Variants in LAYN observed in about 807,000 individuals in gnomAD.
LAYN encodes layilin.
In LAYN, 38 loss-of-function variants were observed where a neutral mutation model predicts 43.6. The ratio of observed to expected loss-of-function variants is 0.87; its 90% CI spans 0.67 to 1.14. The LOEUF is 1.14. Among genes scored for constraint, LAYN ranks in the 50% most tolerant of loss-of-function variants. The probability of loss-of-function intolerance (pLI) is 0.00; values close to 1 mark genes in which losing one functional copy is unlikely to be tolerated. For missense variants in LAYN, 479 were observed against 463.8 expected (o/e 1.03, Z -0.30); for synonymous variants, 168 against 172.9 (o/e 0.97, Z 0.22).
In LAYN at chr11:111,558,149, A is replaced by G. The variant is rs545493778; in HGVS notation, c.761+506A>G. ...AAGTATAGAGTGCTATAAAATAGCT[A>G]CACTAGGTGGCATCAACAATTTCTG... On this transcript the variant is annotated intron_variant, in intron 6 of 6. Coordinates refer to ENST00000375614, the MANE Select transcript of LAYN (RefSeq NM_178834.5). Among the ~76,000 whole-genome samples, 13 of 152,378 alleles carry G rather than the reference A, an allele frequency of 8.5e-5. No individual in the cohort carries two copies. In the East Asian group the frequency reaches 2.5e-3, roughly 29 times the overall value.
intron 3 of LAYN, among the ~76,000 whole-genome samples, chr11:111,551,795 T>C (rs1032984460): frequency 6.6e-6 from 1 of 152,190 alleles, no homozygotes; most frequent in African/African-American, 2.4e-5. Flanking sequence ...TTCCTATAAA[T>C]GGCATTATTA....
intron 2 of LAYN, among the ~76,000 whole-genome samples, chr11:111,545,771 G>T (rs1198851536): frequency 1.3e-5 from 2 of 152,192 alleles, no homozygotes; most frequent in African/African-American, 4.8e-5. Flanking sequence ...ATTCTAAAAT[G>T]AGGCTACTCC....
In LAYN at chr11:111,549,239, C is replaced by G. The variant is rs577883427; in HGVS notation, c.384-379C>G. Reference sequence around the variant, plus strand: ...CAGGGCAAGCTCTGGATGAGATAAGCCATGTCTCTTCTCAGTGCATCTGAG... The same window carrying G: ...CAGGGCAAGCTCTGGATGAGATAAGGCATGTCTCTTCTCAGTGCATCTGAG... On this transcript the variant is annotated intron_variant, in intron 2 of 6. Coordinates refer to ENST00000375614, the MANE Select transcript of LAYN (RefSeq NM_178834.5). Among the ~76,000 whole-genome samples, 8 of 152,294 alleles carry G rather than the reference C, an allele frequency of 5.3e-5. No homozygotes were observed. In the East Asian group the frequency reaches 1.3e-3, roughly 26 times the overall value.
chr11:111,551,383 T>G (rs1255180467), intron 3 of LAYN: 1 of 456,164 alleles, frequency 2.2e-6, no homozygotes, highest in Non-Finnish European at 4.4e-6. Context: ...ATTGAAACAG[T>G]TTATAGACCT....
chr11:111,558,783 A>AAAATAT (rs386374901), intron 6 of LAYN, among the ~76,000 whole-genome samples: 29 of 143,132 alleles, frequency 2.0e-4, no homozygotes, highest in African/African-American at 5.5e-4. Context: ...TATTTAAAAA[A>AAAATAT]ATATATATAT....
At chr11:111,555,607 G>T (rs939477547) in intron 5 of LAYN, among the ~76,000 whole-genome samples, 1 of 152,154 alleles carries the variant, frequency 6.6e-6, no homozygotes, top group Non-Finnish European at 1.5e-5. Flanking sequence ...AGAGAAATAA[G>T]AGCAGAAAGA....
chr11:111,544,120 G>T lies in LAYN; in HGVS notation c.283G>T (p.Asp95Tyr). 1.2e-6 allele frequency: 2 copies of T among 1,614,206 alleles called. No homozygotes were observed. The highest frequency in any genetic ancestry group is 1.1e-5 in the South Asian group (1 of 91,080). The change falls in exon 2 of 7, where the codon GAC becomes TAC. Residue 95 changes from aspartate (D) to tyrosine (Y), a missense_variant. Coordinates refer to ENST00000375614, the MANE Select transcript of LAYN (RefSeq NM_178834.5). ...FIENLLPSDG[D>Y]FWIGLRRREE... ...TGAAAACCTCTTGCCATCTGATGGT[G>T]ACTTCTGGATTGGGCTCAGGAGGCG...
chr11:111,549,545 C>T (rs932235280), intron 2 of LAYN, 73 bp from the exon 3 acceptor site: 38 of 1,280,414 alleles, frequency 3.0e-5, no homozygotes, highest in African/African-American at 6.2e-5. Flanking sequence ...TGAGACTTGA[C>T]GGGAAAACAA....
At chr11:111,559,315 T>G (rs1867903394) in intron 6 of LAYN, among the ~76,000 whole-genome samples, 3 of 152,208 alleles carry the variant, frequency 2.0e-5, no homozygotes, top group South Asian at 4.1e-4. Context: ...TGAAAACATC[T>G]ATAATTTCTA....
At chr11:111,547,061 T>C (rs78430430) in intron 2 of LAYN, among the ~76,000 whole-genome samples, 3,277 of 152,270 alleles carry the variant, frequency 0.022, 133 homozygotes, top group African/African-American at 0.075. Context: ...TCAAAATGGC[T>C]GTATTCCATG....
At chr11:111,548,629 A>G (rs1022028821) in intron 2 of LAYN, among the ~76,000 whole-genome samples, 12 of 152,368 alleles carry the variant, frequency 7.9e-5, no homozygotes, top group African/African-American at 2.9e-4. Flanking sequence ...AGACAACAAT[A>G]CAGGACTTAA....
At chr11:111,555,013 G>C (rs1387590173) in intron 4 of LAYN, among the ~76,000 whole-genome samples, 194 bp from the exon 5 acceptor site, 1 of 152,050 alleles carries the variant, frequency 6.6e-6, no homozygotes, top group Non-Finnish European at 1.5e-5. Flanking sequence ...TGACAGCAAG[G>C]GTCTCACCAA....
chr11:111,555,067 C>A, intron 4 of LAYN, 140 bp from the exon 5 acceptor site: 1 of 631,782 alleles, frequency 1.6e-6, no homozygotes, highest in East Asian at 2.7e-5. Context: ...AAATTCAACC[C>A]TTTACTTTTC....
In LAYN at chr11:111,557,391, CCTTT is replaced by C. The variant is rs578080567; in HGVS notation, c.659-149_659-146del. The C allele has an allele frequency of 9.6e-4, 640 of 667,616 alleles. 3 individuals carry two copies. In the African/African-American group the frequency reaches 0.011, roughly 11 times the overall value. 41.4% of individuals were successfully genotyped at this position (667,616 alleles called of 1,614,324 possible). A position where few individuals can be genotyped will look rare whatever the true frequency, so the allele number is the denominator to read the frequency against. ...AATACTCTGTGTTGATTAGCCTTTT[CCTTT>C]GTTTTGTTTTTTAATTTTTTAATTT... On this transcript the variant is annotated intron_variant, in intron 5 of 6. Coordinates refer to ENST00000375614, the MANE Select transcript of LAYN (RefSeq NM_178834.5).
chr11:111,545,073 TA>T (rs1867626325), intron 2 of LAYN, among the ~76,000 whole-genome samples: 3 of 150,548 alleles, frequency 2.0e-5, no homozygotes, highest in African/African-American at 7.3e-5. Flanking sequence ...TATATATATA[TA>T]TTTTTTACCT....
Position 111,560,551 on chromosome 11 carries a change from G to A in LAYN, c.*93G>A. On this transcript the variant is annotated 3_prime_UTR_variant, in exon 7 of 7. Coordinates refer to ENST00000375614, the MANE Select transcript of LAYN (RefSeq NM_178834.5). Reference sequence around the variant, plus strand: ...TAAGGAAAATACACAGAAGGTCTATGAACAAGCTTAGATCAGGTCCTGTGG... The same window carrying A: ...TAAGGAAAATACACAGAAGGTCTATAAACAAGCTTAGATCAGGTCCTGTGG... 7.2e-7 allele frequency: 1 copy of A among 1,379,902 alleles called. No homozygotes were observed. Among genetic ancestry groups the A allele is most frequent in the Non-Finnish European group, 9.8e-7 (1 of 1,021,264 alleles). 85.5% of individuals were successfully genotyped at this position (1,379,902 alleles called of 1,614,324 possible). A position where few individuals can be genotyped will look rare whatever the true frequency, so the allele number is the denominator to read the frequency against.
At position 111,554,581 on chromosome 11, in the gene LAYN, A is replaced by G. The variant is rs749746001; in HGVS notation, c.562A>G (p.Arg188Gly). ...TACAGAGAAACCAGCAGTTCCTTCTAGAGAAGCTGAAGGTAAGCCTGTTAC... is the reference window on the plus strand; with the variant it reads ...TACAGAGAAACCAGCAGTTCCTTCTGGAGAAGCTGAAGGTAAGCCTGTTAC... Reference protein sequence around the residue: ...YSDEKPAVPSREAEGEETELT... With the variant: ...YSDEKPAVPSGEAEGEETELT... Residue 188 changes from arginine (R) to glycine (G), a missense_variant, in exon 4 of 7, where the codon AGA (arginine) becomes GGA (glycine). Arg to Gly is a moderately radical substitution (Grantham distance 125). Coordinates refer to ENST00000375614, the MANE Select transcript of LAYN (RefSeq NM_178834.5). The G allele has an allele frequency of 5.6e-6, 9 of 1,612,972 alleles. No homozygotes were observed. The African/African-American group carries it at 8.0e-5, about 14-fold the overall frequency.
At chr11:111,544,299 T>G in intron 2 of LAYN, 79 bp downstream of exon 2, 1 of 1,426,012 alleles carries the variant, frequency 7.0e-7, no homozygotes, top group Non-Finnish European at 9.5e-7. Flanking sequence ...CAGTGCCAGA[T>G]CAGTGGGGAA....
rs187905789 is a variant in LAYN at position 111,549,065 on chromosome 11, A to G, written c.384-553A>G. Among the ~76,000 whole-genome samples the G allele has an allele frequency of 4.6e-4, 70 of 152,280 alleles. 1 individual carries two copies. In the East Asian group the frequency reaches 0.013, roughly 28 times the overall value. Reference sequence around the variant, plus strand: ...ACAACTTAAAAACTGAAAAAGACCAAATGGTCCTCCTGCTTTTGTCCCCAC... The same window carrying G: ...ACAACTTAAAAACTGAAAAAGACCAGATGGTCCTCCTGCTTTTGTCCCCAC... On this transcript the variant is annotated intron_variant, in intron 2 of 6. Coordinates refer to ENST00000375614, the MANE Select transcript of LAYN (RefSeq NM_178834.5).
Sources: allele counts gnomAD v4.1 joint callset (sites outside exome capture counted in the v4.1 genomes callset), GRCh38; gene constraint gnomAD v4.1.1; transcripts MANE v1.5; gene names NCBI Gene and HGNC (gene_info 2026-07-23, HGNC 2026-07-21).